Variants in TMEM260 observed in about 807,000 individuals in gnomAD.
TMEM260 encodes the protein transmembrane protein 260.
TMEM260 carries 82 observed loss-of-function variants against 88.9 expected under a neutral mutation model. That is an observed-to-expected ratio of 0.92 (90% CI 0.77 to 1.11). The LOEUF (loss-of-function observed/expected upper bound fraction) is 1.11. Ranked by LOEUF, TMEM260 falls within the 50% of genes least tolerant of loss-of-function variation. TMEM260 has a pLI of 0.00. For missense variants in TMEM260, 902 were observed against 853.4 expected, an observed-to-expected ratio of 1.06 and a Z score of -0.71; for synonymous variants, 314 against 309.3, an observed-to-expected ratio of 1.02 and a Z score of -0.16.
intron 3 of TMEM260, among the ~76,000 whole-genome samples, chr14:56,601,169 T>C (rs1430476706): frequency 6.6e-6 from 1 of 152,186 alleles, no homozygotes; most frequent in Admixed American, 6.5e-5. Context: ...TTATGAAATA[T>C]TTGAAAAGGC....
In TMEM260 at chr14:56,647,641, G is replaced by C. The variant is rs1890050077; in HGVS notation, c.*144G>C. The C allele has an allele frequency of 1.2e-6, 1 of 864,130 alleles. No homozygotes were observed. Among genetic ancestry groups the C allele is most frequent in the African/African-American group, 1.7e-5 (1 of 57,946 alleles). 53.5% of individuals were successfully genotyped at this position (864,130 alleles called of 1,614,324 possible). A position where few individuals can be genotyped will look rare whatever the true frequency, so the allele number is the denominator to read the frequency against. Reference sequence around the variant, plus strand: ...ATAAGTATCATGGTCCAGCAGTACTGTTTAATGGGGTATTCAGTGACTAAG... The same window carrying C: ...ATAAGTATCATGGTCCAGCAGTACTCTTTAATGGGGTATTCAGTGACTAAG... On this transcript the variant is annotated 3_prime_UTR_variant, in exon 16 of 16. Coordinates refer to ENST00000261556, the MANE Select transcript of TMEM260 (RefSeq NM_017799.4).
chr14:56,651,314 G>C (rs891707474), downstream of TMEM260, among the ~76,000 whole-genome samples: 1 of 147,644 alleles, frequency 6.8e-6, no homozygotes, highest in Non-Finnish European at 1.5e-5. Flanking sequence ...TCCTGAAAAA[G>C]GGGTTTTTCA....
intron 15 of TMEM260, among the ~76,000 whole-genome samples, chr14:56,639,195 G>A (rs1408426486): frequency 6.6e-6 from 1 of 152,092 alleles, no homozygotes; most frequent in Non-Finnish European, 1.5e-5. Flanking sequence ...CAAAAATATA[G>A]TGAGACAGAA....
intron 3 of TMEM260, among the ~76,000 whole-genome samples, chr14:56,586,855 ACT>A (rs1462142660): frequency 3.9e-5 from 6 of 151,906 alleles, no homozygotes; most frequent in Non-Finnish European, 8.8e-5. Flanking sequence ...TATAATTATA[ACT>A]CTGAAGTTTA....
In TMEM260 at chr14:56,618,634, T is replaced by A; in HGVS notation, c.1097T>A (p.Val366Asp). 1 of 1,614,210 alleles carries A rather than the reference T, an allele frequency of 6.2e-7. No homozygotes were observed. ...FWMQSNAVVA[V>D]LAGIGLAAVV... The stretch of plus-strand genomic sequence containing the variant: ...ATGCAGAGCAATGCAGTAGTGGCCG[T>A]CCTCGCTGGCATTGGTTTGGCTGCA... The change falls in exon 10 of 16, where the codon GTC (valine) becomes GAC (aspartate). Residue 366 changes from valine (V) to aspartate (D), a missense_variant. By Grantham distance (152) the Val-to-Asp change is radical (BLOSUM62 -3). Coordinates refer to ENST00000261556, the MANE Select transcript of TMEM260 (RefSeq NM_017799.4).
intron 1 of TMEM260, among the ~76,000 whole-genome samples, chr14:56,582,732 A>C (rs1448369507): frequency 6.6e-6 from 1 of 152,166 alleles, no homozygotes; most frequent in Non-Finnish European, 1.5e-5. Flanking sequence ...TTTCATGTAA[A>C]GGGTTGGGAG....
chr14:56,660,114 T>C, the TMEM260 span, among the ~76,000 whole-genome samples: 2 of 152,340 alleles, frequency 1.3e-5, no homozygotes, highest in Non-Finnish European at 2.9e-5. Flanking sequence ...TTGGAAATAA[T>C]GCGACTTGCC....
intron 5 of TMEM260, 55 bp from the exon 6 acceptor site, chr14:56,609,051 G>A (rs1464069163): frequency 1.3e-5 from 20 of 1,553,996 alleles, no homozygotes; most frequent in Admixed American, 1.2e-4. Flanking sequence ...TTGAAGTTCC[G>A]AGATGAATCT....
intron 3 of TMEM260, among the ~76,000 whole-genome samples, chr14:56,598,764 G>A (rs1297723542): frequency 2.6e-5 from 4 of 152,090 alleles, no homozygotes; most frequent in Admixed American, 2.6e-4. Flanking sequence ...TGGGGTCACG[G>A]CTCCTTAGTA....
intron 2 of TMEM260, 107 bp from the exon 3 acceptor site, chr14:56,585,654 C>T (rs946071440): frequency 1.2e-5 from 12 of 1,031,122 alleles, no homozygotes; most frequent in Non-Finnish European, 1.7e-5. Context: ...GTCATTGGTG[C>T]CTAATCTTTA....
At chr14:56,585,984 A>G (rs1885475984) in intron 3 of TMEM260, 72 bp downstream of exon 3, 9 of 1,473,386 alleles carry the variant, frequency 6.1e-6, no homozygotes, top group Middle Eastern at 1.8e-4. Flanking sequence ...TCAAGTACAT[A>G]CATTAAAAAA....
rs769454196 is a variant in TMEM260 at position 56,615,974 on chromosome 14, C to T, written c.888C>T (p.Leu296=). Residue 296 remains leucine (L), a synonymous_variant, in exon 8 of 16, where the codon CTC becomes CTT. Transcript: ENST00000261556. The part of the protein sequence containing the change: ...LSQVTNMRTE[L]SFNIQALAVC... ...AAGTAACAAATATGAGGACCGAACT[C>T]TCATTCAACATCCAAGCCCTTGCAG... 6 of 1,613,200 alleles carry T rather than the reference C, an allele frequency of 3.7e-6. No individual in the cohort carries two copies. In the African/African-American group the frequency reaches 8.0e-5, roughly 22 times the overall value.
At chr14:56,640,018 AAGG>A (rs1367343016) in intron 15 of TMEM260, among the ~76,000 whole-genome samples, 4 of 152,238 alleles carry the variant, frequency 2.6e-5, no homozygotes, top group African/African-American at 4.8e-5. Context: ...ACCACAGCTC[AAGG>A]AGGCCTGCGT....
At chr14:56,653,745 A>AAAAAAACAAACAAAC (rs1555343570), downstream of TMEM260, among the ~76,000 whole-genome samples, 1 of 137,368 alleles carries the variant, frequency 7.3e-6, no homozygotes, top group Admixed American at 8.1e-5. Context: ...CCAAAACAAA[A>AAAAAAACAAACAAAC]AAAAAAAAAA....
downstream of TMEM260, among the ~76,000 whole-genome samples, chr14:56,651,832 G>A (rs1273066695): frequency 6.6e-6 from 1 of 152,170 alleles, no homozygotes; most frequent in African/African-American, 2.4e-5. Context: ...GATGGAAATG[G>A]CATAAAATTT....
rs182116911 is a variant in TMEM260, at chr14:56,585,137, C to T, written c.192+105C>T. On this transcript the variant is annotated intron_variant, in intron 2 of 15. Coordinates refer to ENST00000261556, the MANE Select transcript of TMEM260 (RefSeq NM_017799.4). ...AAAGTAGATTAATTTATTTTCAAACCCCCGTTTTTAGTAACTTATAAGTAC... is the reference window on the plus strand; with the variant it reads ...AAAGTAGATTAATTTATTTTCAAACTCCCGTTTTTAGTAACTTATAAGTAC... 2.5e-3 allele frequency: 2,725 copies of T among 1,070,490 alleles called. 25 individuals are homozygous for T. The highest frequency in any genetic ancestry group is 1.9e-3 in the Non-Finnish European group (1,371 of 735,978). 66.3% of individuals were successfully genotyped at this position (1,070,490 alleles called of 1,614,324 possible). A position where few individuals can be genotyped will look rare whatever the true frequency, so the allele number is the denominator to read the frequency against.
chr14:56,594,237 C>G (rs12894358), intron 3 of TMEM260, among the ~76,000 whole-genome samples: 50,386 of 152,076 alleles, frequency 0.33, 10,269 homozygotes, highest in East Asian at 0.51. Context: ...AAAGTGTTCT[C>G]AAGTTAAAAT....
At chr14:56,656,612 A>T in the TMEM260 span, among the ~76,000 whole-genome samples, 1 of 152,218 alleles carries the variant, frequency 6.6e-6, no homozygotes, top group African/African-American at 2.4e-5. Context: ...CAGTAAAAAC[A>T]GTTCTTCTCT....
chr14:56,636,624 A>G lies in TMEM260; in HGVS notation c.1869+26A>G, dbSNP rs1245857371. ...GTATGTTACACTTTTATATGTAGAT[A>G]TAGATATATTTGGTGGGAAGGTGAT... On this transcript the variant is annotated intron_variant, in intron 15 of 15. Transcript: ENST00000261556. 1.9e-6 allele frequency: 3 copies of G among 1,578,424 alleles called. No homozygotes were observed. In the African/African-American group the frequency reaches 4.0e-5, roughly 21 times the overall value.
Sources: gnomAD v4.1 joint callset for allele counts (sites outside exome capture counted in the v4.1 genomes callset) on GRCh38, gnomAD v4.1.1 for gene constraint, MANE v1.5 for transcripts, NCBI Gene and HGNC (gene_info 2026-07-23, HGNC 2026-07-21) for gene names.